The following ADAM11 variants were observed in gnomAD, a reference collection of about 807,000 sequenced individuals.
ADAM11 encodes ADAM metallopeptidase domain 11.
Under a neutral mutation model 119.1 loss-of-function variants are expected in ADAM11, and 49 were observed. That is an observed-to-expected ratio of 0.41 (90% CI 0.33 to 0.52). The LOEUF (loss-of-function observed/expected upper bound fraction) is 0.52, where lower values mean the gene tolerates loss of function less well. Ranked by LOEUF, ADAM11 falls within the 20% of genes least tolerant of loss-of-function variation. ADAM11 has a pLI of 0.20. For synonymous variants in ADAM11, 364 were observed against 408.0 expected (o/e 0.89, Z 1.30); for missense variants, 777 against 1,047.5 (o/e 0.74, Z 3.56).
chr17:44,764,543 G>C (rs1438697754), intron 2 of ADAM11, among the ~76,000 whole-genome samples: 1 of 152,160 alleles, frequency 6.6e-6, no homozygotes, highest in Non-Finnish European at 1.5e-5. Context: ...TGTTCCCAGG[G>C]GTGAGGTGGG....
chr17:44,776,988 G>T lies in ADAM11; in HGVS notation c.1681+26G>T. 1.2e-6 allele frequency: 2 copies of T among 1,605,152 alleles called. No individual in the cohort carries two copies. Among genetic ancestry groups the T allele is most frequent in the Non-Finnish European group, 1.7e-6 (2 of 1,173,132 alleles). On this transcript the variant is annotated intron_variant, in intron 20 of 26. Transcript: ENST00000200557. The surrounding 1 kb of genome is among the most constrained non-coding windows in gnomAD (Gnocchi z 5.2). Reference sequence around the variant, plus strand: ...GTGAGTCTGGCTAGGGCTGGGAGTGGGGACTCCGGAGGACCCAGAGCTGAG... The same window carrying T: ...GTGAGTCTGGCTAGGGCTGGGAGTGTGGACTCCGGAGGACCCAGAGCTGAG...
Position 44,780,447 on chromosome 17 carries a change from C to A in ADAM11, c.*693C>A. On this transcript the variant is annotated 3_prime_UTR_variant, in exon 27 of 27. Transcript: ENST00000200557. ...TGATTCAAACCAAAGCTGCCTGTGC[C>A]ATGCCCAAGGCCTAGGTTATGGGTA... The A allele has an allele frequency of 3.2e-6, 1 of 309,134 alleles. No homozygotes were observed. The highest frequency in any genetic ancestry group is 2.7e-5 in the South Asian group (1 of 36,812). 19.1% of individuals were successfully genotyped at this position (309,134 alleles called of 1,614,324 possible). A position where few individuals can be genotyped will look rare whatever the true frequency, so the allele number is the denominator to read the frequency against.
At chr17:44,767,204 A>G (rs2049460893) in intron 2 of ADAM11, among the ~76,000 whole-genome samples, 1 of 151,572 alleles carries the variant, frequency 6.6e-6, no homozygotes. Context: ...AAATACAAAA[A>G]AATTAGCCGG....
intron 2 of ADAM11, among the ~76,000 whole-genome samples, chr17:44,762,869 A>G (rs1003351679): frequency 6.6e-6 from 1 of 152,016 alleles, no homozygotes; most frequent in African/African-American, 2.4e-5. Context: ...TGGAGAAATT[A>G]GACTGGGTGC....
At chr17:44,779,610 C>T (rs957044017) in intron 26 of ADAM11, 129 bp from the exon 27 acceptor site, 5 of 1,489,194 alleles carry the variant, frequency 3.4e-6, no homozygotes, top group African/African-American at 2.8e-5. Context: ...TCCCGCAGAT[C>T]CCTTCCCTGG....
Position 44,772,768 on chromosome 17 carries a change from C to G in ADAM11, c.679-89C>G. 8.3e-7 allele frequency: 1 copy of G among 1,211,588 alleles called. No homozygotes were observed. The highest frequency in any genetic ancestry group is 2.4e-5 in the East Asian group (1 of 42,090). 75.1% of individuals were successfully genotyped at this position (1,211,588 alleles called of 1,614,324 possible). On this transcript the variant is annotated intron_variant, in intron 8 of 26. Coordinates refer to ENST00000200557, the MANE Select transcript of ADAM11 (RefSeq NM_002390.6). This position sits in a 1 kb window ranked among gnomAD's most constrained non-coding sequence, Gnocchi z 4.5. Reference sequence around the variant, plus strand: ...CTGTCCCTGGCTGGAGTCCAGACCCCCCCATCCCCACCGAGTCTGTTCCTG... The same window carrying G: ...CTGTCCCTGGCTGGAGTCCAGACCCGCCCATCCCCACCGAGTCTGTTCCTG...
chr17:44,773,198 C>T lies in ADAM11; in HGVS notation c.826-63C>T, dbSNP rs533350309. Reference sequence around the variant, plus strand: ...CCACTTCCTGGAGAGAACAGACAGGCCCTCCTCCAGCCCTGGCCCCAACAC... The same window carrying T: ...CCACTTCCTGGAGAGAACAGACAGGTCCTCCTCCAGCCCTGGCCCCAACAC... On this transcript the variant is annotated intron_variant, in intron 10 of 26. Transcript: ENST00000200557. The surrounding 1 kb of genome is among the most constrained non-coding windows in gnomAD (Gnocchi z 4.6). The T allele has an allele frequency of 2.5e-6, 4 of 1,598,628 alleles. No individual in the cohort carries two copies. Among genetic ancestry groups the T allele is most frequent in the Admixed American group, 3.3e-5 (2 of 59,754 alleles).
In ADAM11 at chr17:44,777,377, C is replaced by T. The variant is rs2049618530; in HGVS notation, c.1782-105C>T. The T allele has an allele frequency of 1.3e-6, 2 of 1,520,482 alleles. No individual in the cohort carries two copies. The highest frequency in any genetic ancestry group is 3.4e-5 in the Admixed American group (2 of 58,320). 94.2% of individuals were successfully genotyped at this position (1,520,482 alleles called of 1,614,324 possible). On this transcript the variant is annotated intron_variant, in intron 21 of 26. Coordinates refer to ENST00000200557, the MANE Select transcript of ADAM11 (RefSeq NM_002390.6). This position sits in a 1 kb window ranked among gnomAD's most constrained non-coding sequence, Gnocchi z 5.1. The stretch of plus-strand genomic sequence containing the variant: ...GAGCCTGTCAGTCCCAATGGGCGGG[C>T]ACGTGGCAAATGAGGTGGCAGGGTG...
At chr17:44,764,452 C>G (rs1417999127) in intron 2 of ADAM11, among the ~76,000 whole-genome samples, 1 of 152,160 alleles carries the variant, frequency 6.6e-6, no homozygotes, top group Non-Finnish European at 1.5e-5. Context: ...ATGCTATAGT[C>G]TGTGTGGCTG....
At position 44,771,644 on chromosome 17, in the gene ADAM11, G is replaced by A. The variant is rs776476231; in HGVS notation, c.442G>A (p.Ala148Thr). 35 of 1,610,758 alleles carry A rather than the reference G, an allele frequency of 2.2e-5. No homozygotes were observed. The highest frequency in any genetic ancestry group is 4.5e-5 in the East Asian group (2 of 44,854). Residue 148 changes from alanine (A) to threonine (T), a missense_variant, in exon 5 of 27, where the codon GCC (alanine) becomes ACC (threonine). Physicochemically the swap from Ala to Thr is moderately conservative, Grantham distance 58 (BLOSUM62 0). Transcript: ENST00000200557. ...KLRGNPHSFAALSTCQGLHGV... is the reference protein window; with the variant it reads ...KLRGNPHSFATLSTCQGLHGV... ...CCGGGGGAACCCGCACTCCTTCGCC[G>A]CCCTCTCCACCTGCCAGGGGCTGCA... is the stretch of plus-strand genomic sequence containing the variant.
chr17:44,779,380 T>G, intron 26 of ADAM11, 141 bp downstream of exon 26: 1 of 1,458,270 alleles, frequency 6.9e-7, no homozygotes, highest in Non-Finnish European at 9.0e-7. Flanking sequence ...GCTGCCAGGC[T>G]GTCCCGGCAG....
intron 2 of ADAM11, among the ~76,000 whole-genome samples, chr17:44,761,830 ATG>A (rs963166925): frequency 2.0e-5 from 3 of 151,660 alleles, no homozygotes; most frequent in African/African-American, 7.3e-5. Flanking sequence ...TTGTGTGTTT[ATG>A]TGTGTGTGTG....
At chr17:44,765,230 G>T (rs981910049) in intron 2 of ADAM11, among the ~76,000 whole-genome samples, 3 of 138,920 alleles carry the variant, frequency 2.2e-5, no homozygotes, top group African/African-American at 7.7e-5. Context: ...GGGTGGGTGG[G>T]TGGGGGGTTT....
chr17:44,774,893 A>G, intron 14 of ADAM11, 144 bp downstream of exon 14: 1 of 1,106,428 alleles, frequency 9.0e-7, no homozygotes, highest in Non-Finnish European at 1.3e-6. Flanking sequence ...TTTTCCGCAA[A>G]CACTGCCCCG....
chr17:44,775,386 CG>C lies in ADAM11; in HGVS notation c.1321-6del. On this transcript the variant is annotated splice_polypyrimidine_tract_variant and splice_region_variant and intron_variant, in intron 15 of 26. Transcript: ENST00000200557. The surrounding 1 kb of genome is among the most constrained non-coding windows in gnomAD (Gnocchi z 7.5). ...GGGCCAGACTCCCGACCTGTCCTCC[CG>C]GTCCAGCTCCTGGACCCCCCAGAGT... The C allele has an allele frequency of 6.2e-7, 1 of 1,612,582 alleles. No homozygotes were observed. The highest frequency in any genetic ancestry group is 8.5e-7 in the Non-Finnish European group (1 of 1,179,768).
At chr17:44,766,000 C>T (rs1056541300) in intron 2 of ADAM11, among the ~76,000 whole-genome samples, 11 of 152,156 alleles carry the variant, frequency 7.2e-5, no homozygotes, top group African/African-American at 1.4e-4. Flanking sequence ...TTCCATTCAA[C>T]GTGAGTGTTG....
intron 14 of ADAM11, 137 bp downstream of exon 14, chr17:44,774,886 T>C: frequency 8.7e-7 from 1 of 1,144,436 alleles, no homozygotes; most frequent in South Asian, 1.6e-5. Context: ...AGCCCAGTTT[T>C]CCGCAAACAC....
At position 44,773,386 on chromosome 17, in the gene ADAM11, G is replaced by T; in HGVS notation, c.951G>T (p.Arg317=). 1.2e-6 allele frequency: 2 copies of T among 1,613,900 alleles called. No individual in the cohort carries two copies. The highest frequency in any genetic ancestry group is 1.7e-6 in the Non-Finnish European group (2 of 1,179,964). Residue 317 remains arginine, a synonymous_variant, in exon 11 of 27, where the codon CGG becomes CGT. Coordinates refer to ENST00000200557, the MANE Select transcript of ADAM11 (RefSeq NM_002390.6). The surrounding 1 kb of genome is among the most constrained non-coding windows in gnomAD (Gnocchi z 4.6). Reference sequence around the variant, plus strand: ...TGGCCCGGCTCATGGTCTACCGACGGGAGGGTCTGCCTGAGCCCAGTGATG... The same window carrying T: ...TGGCCCGGCTCATGGTCTACCGACGTGAGGGTCTGCCTGAGCCCAGTGATG... ...ETLARLMVYR[R]EGLPEPSDAT...
intron 2 of ADAM11, among the ~76,000 whole-genome samples, chr17:44,762,908 A>C (rs1354756711): frequency 6.6e-6 from 1 of 150,744 alleles, no homozygotes; most frequent in Non-Finnish European, 1.5e-5. Flanking sequence ...AGGTCAGGGG[A>C]TTGCTTGAGA....
Sources: allele counts gnomAD v4.1 joint callset (sites outside exome capture counted in the v4.1 genomes callset), GRCh38; gene constraint gnomAD v4.1.1; non-coding constraint Gnocchi (gnomAD v3.1); transcripts MANE v1.5; gene names NCBI Gene and HGNC (gene_info 2026-07-23, HGNC 2026-07-21).